The following BEND2 variants were observed in gnomAD, a reference collection of about 807,000 sequenced individuals.
BEND2 encodes BEN domain-containing protein 2.
BEND2 carries 19 observed loss-of-function variants against 43.8 expected under a neutral mutation model. That is an observed-to-expected ratio of 0.43 (90% CI 0.30 to 0.64). BEND2 has a LOEUF of 0.64. Ranked by LOEUF, BEND2 falls within the 30% of genes least tolerant of loss-of-function variation. The pLI is 0.11. For missense variants in BEND2, 544 were observed against 574.0 expected (o/e 0.95, Z 0.53); for synonymous variants, 226 against 210.1 (o/e 1.08, Z -0.66).
chrX:18,178,608 C>CT (rs1306414631), intron 9 of BEND2, among the ~76,000 whole-genome samples: 11 of 106,842 alleles, frequency 1.0e-4, no homozygotes, highest in South Asian at 4.0e-4. Flanking sequence ...CTGTTTTCAT[C>CT]TTTTTTTTTT....
intron 6 of BEND2, among the ~76,000 whole-genome samples, chrX:18,200,618 A>G (rs1569124199): frequency 9.0e-6 from 1 of 111,204 alleles, no homozygotes; most frequent in Non-Finnish European, 1.9e-5. Context: ...CCCCAAAATT[A>G]CATACTGTAA....
intron 6 of BEND2, among the ~76,000 whole-genome samples, chrX:18,198,195 G>C (rs1387447976): frequency 9.0e-6 from 1 of 110,744 alleles, no homozygotes; most frequent in African/African-American, 3.3e-5. Context: ...AGACAAAATT[G>C]ACAAATGGGA....
In BEND2 at chrX:18,177,734, G is replaced by C; in HGVS notation, c.1465C>G (p.Leu489Val). Reference protein sequence around the residue: ...LGDPKRNVRVLKIHLLAVQNM... With the variant: ...LGDPKRNVRVVKIHLLAVQNM... ...TGTACGGCCAGCAAATGGATTTTAAGTACTCTGACATTTCTTTTTGGATCA... is the reference window on the plus strand; with the variant it reads ...TGTACGGCCAGCAAATGGATTTTAACTACTCTGACATTTCTTTTTGGATCA... Residue 489 changes from leucine to valine, a missense_variant, in exon 10 of 14, where the codon CTT becomes GTT. Leu to Val is a conservative substitution (Grantham distance 32). Coordinates refer to ENST00000380033, the MANE Select transcript of BEND2 (RefSeq NM_153346.5). The C allele has an allele frequency of 1.7e-6, 2 of 1,209,997 alleles. No homozygotes were observed. Among genetic ancestry groups the C allele is most frequent in the Non-Finnish European group, 2.2e-6 (2 of 894,246 alleles).
At chrX:18,173,486 A>G (rs765493636) in intron 12 of BEND2, among the ~76,000 whole-genome samples, 2 of 111,746 alleles carry the variant, frequency 1.8e-5, no homozygotes, top group Non-Finnish European at 3.8e-5. Flanking sequence ...TTCAGATATC[A>G]CTCATCGGTA....
At chrX:18,177,349 T>C (rs1224536196) in intron 10 of BEND2, among the ~76,000 whole-genome samples, 1 of 105,744 alleles carries the variant, frequency 9.5e-6, no homozygotes, top group African/African-American at 3.4e-5. Context: ...GAGGCTTGTC[T>C]TATTCAACCA....
chrX:18,219,093 C>A (rs1440895017), intron 1 of BEND2, among the ~76,000 whole-genome samples: 1 of 111,629 alleles, frequency 9.0e-6, no homozygotes, highest in Admixed American at 9.5e-5. Flanking sequence ...CTAAACCTTC[C>A]TGCGGGACTC....
At chrX:18,179,561 C>T (rs1334424264) in intron 9 of BEND2, among the ~76,000 whole-genome samples, 2 of 111,245 alleles carry the variant, frequency 1.8e-5, no homozygotes, top group Non-Finnish European at 3.8e-5. Context: ...CTGCAGTCCA[C>T]TGGCCCATCC....
intron 6 of BEND2, among the ~76,000 whole-genome samples, chrX:18,196,953 A>T (rs2147416900): frequency 9.0e-6 from 1 of 111,663 alleles, no homozygotes; most frequent in East Asian, 2.8e-4. Flanking sequence ...ATACAGATAC[A>T]CCCACAGATT....
Position 18,203,628 on chromosome X carries a change from T to C in BEND2, c.780A>G (p.Ala260=). 2.5e-6 allele frequency: 3 copies of C among 1,211,566 alleles called. No homozygotes were observed. The highest frequency in any genetic ancestry group is 3.4e-6 in the Non-Finnish European group (3 of 895,164). ...FANATTAVPM[A]VLSRRESSLA... The stretch of plus-strand genomic sequence containing the variant: ...GACTGGATTCTCTTCGTGACAGAAC[T>C]GCCATAGGTACTGCTGTAGTAGCAT... Residue 260 remains alanine, a synonymous_variant, in exon 5 of 14, where the codon GCA becomes GCG. Transcript: ENST00000380033.
chrX:18,217,615 G>A (rs891919879), intron 1 of BEND2, among the ~76,000 whole-genome samples: 3 of 111,144 alleles, frequency 2.7e-5, no homozygotes, highest in Non-Finnish European at 5.7e-5. Flanking sequence ...TTTCTCACCC[G>A]TAAAAAGTGG....
At chrX:18,211,333 A>G (rs1925494065) in intron 4 of BEND2, among the ~76,000 whole-genome samples, 1 of 112,157 alleles carries the variant, frequency 8.9e-6, no homozygotes, top group African/African-American at 3.2e-5. Context: ...GCAATTTCTC[A>G]TAAACTTTCA....
Position 18,187,632 on chromosome X carries a change from G to C in BEND2, c.1288+3369C>G, listed in dbSNP as rs150457155. ...AAGATCAGATTTAATCTGTACTATA[G>C]ACCAAATGGGTCTAATAGATATGAA... On this transcript the variant is annotated intron_variant, in intron 8 of 13. Transcript: ENST00000380033. 2.4e-4 allele frequency among the ~76,000 whole-genome samples: 27 copies of C among 111,956 alleles called. No homozygotes were observed. In the East Asian group the frequency reaches 7.6e-3, roughly 32 times the overall value.
At chrX:18,183,357 A>G (rs1320969389) in intron 8 of BEND2, among the ~76,000 whole-genome samples, 1 of 112,101 alleles carries the variant, frequency 8.9e-6, no homozygotes, top group Non-Finnish European at 1.9e-5. Context: ...GAAATTAAAC[A>G]GCAAACTCCT....
chrX:18,176,662 G>C (rs1196898406), intron 10 of BEND2, among the ~76,000 whole-genome samples: 40 of 110,446 alleles, frequency 3.6e-4, no homozygotes, highest in Non-Finnish European at 7.6e-5. Flanking sequence ...CTGGGTGACA[G>C]AGCAAGACCA....
At chrX:18,214,594 C>T (rs1925614682) in intron 2 of BEND2, among the ~76,000 whole-genome samples, 2 of 109,583 alleles carry the variant, frequency 1.8e-5, no homozygotes, top group Middle Eastern at 4.7e-3. Context: ...GGGGCTGAGG[C>T]GGGCGGATCA....
rs1383685823 is a variant in BEND2, at chrX:18,212,660, C to G, written c.397G>C (p.Val133Leu). Residue 133 changes from valine to leucine, a missense_variant, in exon 4 of 14, where the codon GTT becomes CTT. Val to Leu is a conservative substitution (Grantham distance 32). Coordinates refer to ENST00000380033, the MANE Select transcript of BEND2 (RefSeq NM_153346.5). The part of the protein sequence containing the change: ...PCPVAHGDQI[V>L]SQINHPVHLR... Reference sequence around the variant, plus strand: ...TGTACTGGGTGGTTTATCTGTGAAACTATTTGGTCACCATGGGCTACTGTG... The same window carrying G: ...TGTACTGGGTGGTTTATCTGTGAAAGTATTTGGTCACCATGGGCTACTGTG... 1.7e-6 allele frequency: 2 copies of G among 1,203,171 alleles called. No individual in the cohort carries two copies. Among genetic ancestry groups the G allele is most frequent in the East Asian group, 3.0e-5 (1 of 33,718 alleles).
chrX:18,174,069 G>T lies in BEND2; in HGVS notation c.1942C>A (p.Pro648Thr). ...SNAIPEGMREPSTDNPEEPGE... is the reference protein window; with the variant it reads ...SNAIPEGMRETSTDNPEEPGE... Reference sequence around the variant, plus strand: ...GGTTCCTCTGGATTATCAGTGGAAGGTTCTCGCATTCCTTCAGGGATAGCA... The same window carrying T: ...GGTTCCTCTGGATTATCAGTGGAAGTTTCTCGCATTCCTTCAGGGATAGCA... The change falls in exon 12 of 14, where the codon CCT becomes ACT. Residue 648 changes from proline to threonine, a missense_variant. Physicochemically the swap from Pro to Thr is conservative, Grantham distance 38 (BLOSUM62 -1). Transcript: ENST00000380033. 2 of 1,210,921 alleles carry T rather than the reference G, an allele frequency of 1.7e-6. No homozygotes were observed. The highest frequency in any genetic ancestry group is 2.2e-6 in the Non-Finnish European group (2 of 895,188).
At chrX:18,219,314 G>A (rs757129604) in intron 1 of BEND2, among the ~76,000 whole-genome samples, 9 of 112,859 alleles carry the variant, frequency 8.0e-5, no homozygotes, top group Admixed American at 3.7e-4. Flanking sequence ...TCCGCCACCA[G>A]CCAAATCAGG....
At chrX:18,166,639 C>T (rs1389327973) in intron 13 of BEND2, among the ~76,000 whole-genome samples, 1 of 111,328 alleles carries the variant, frequency 9.0e-6, no homozygotes, top group Admixed American at 9.6e-5. Context: ...GACAGTCGGC[C>T]AGGCGCAGTG....
Sources: gnomAD v4.1 joint callset for allele counts (sites outside exome capture counted in the v4.1 genomes callset) on GRCh38, gnomAD v4.1.1 for gene constraint, MANE v1.5 for transcripts, NCBI Gene and HGNC (gene_info 2026-07-23, HGNC 2026-07-21) for gene names.